Variants in UHRF2 observed in about 807,000 individuals in gnomAD.
UHRF2 encodes the protein E3 ubiquitin-protein ligase UHRF2.
UHRF2 carries 23 observed loss-of-function variants against 96.8 expected under a neutral mutation model. The observed-to-expected ratio is 0.24, with a 90% CI of 0.17 to 0.34. UHRF2 has a LOEUF of 0.34. UHRF2 is among the 10% of genes least tolerant of loss of function. The pLI is 1.00. For synonymous variants in UHRF2, 385 were observed against 332.6 expected, an observed-to-expected ratio of 1.16 and a Z score of -1.72; for missense variants, 685 against 981.5, an observed-to-expected ratio of 0.70 and a Z score of 4.04.
At chr9:6,429,824 T>TG (rs568426318) in intron 2 of UHRF2, among the ~76,000 whole-genome samples, 11 of 152,232 alleles carry the variant, frequency 7.2e-5, no homozygotes, top group Non-Finnish European at 1.6e-4. Flanking sequence ...GGGTGATAGA[T>TG]GAAGAACTTG....
chr9:6,431,992 A>G (rs576468492), intron 2 of UHRF2, among the ~76,000 whole-genome samples: 2 of 152,204 alleles, frequency 1.3e-5, no homozygotes, highest in Non-Finnish European at 1.5e-5. Flanking sequence ...CCCAAGTATG[A>G]TGGACCTTAA....
intron 3 of UHRF2, among the ~76,000 whole-genome samples, chr9:6,447,693 C>T (rs937340123): frequency 3.9e-5 from 6 of 152,076 alleles, no homozygotes; most frequent in Admixed American, 3.9e-4. Context: ...ATAATAAATC[C>T]ATAAACCCCC....
chr9:6,506,196 G>A lies in UHRF2; in HGVS notation c.*17G>A, dbSNP rs769181645. 1 of 1,613,238 alleles carries A rather than the reference G, an allele frequency of 6.2e-7. No individual in the cohort carries two copies. The highest frequency in any genetic ancestry group is 8.5e-7 in the Non-Finnish European group (1 of 1,179,548). On this transcript the variant is annotated 3_prime_UTR_variant, in exon 16 of 16. Transcript: ENST00000276893. ...GGACGATGATCTGCCTGCTTTCACT[G>A]TGTTGTTCATGGTGGCTTTTTGGAC...
intron 2 of UHRF2, among the ~76,000 whole-genome samples, chr9:6,429,038 AC>A (rs1820427151): frequency 1.3e-5 from 2 of 152,042 alleles, no homozygotes; most frequent in Non-Finnish European, 2.9e-5. Context: ...GGTGGTGGAT[AC>A]CTGTAATCCC....
intron 8 of UHRF2, 59 bp downstream of exon 8, chr9:6,482,158 G>T: frequency 7.5e-7 from 1 of 1,325,982 alleles, no homozygotes; most frequent in Non-Finnish European, 1.1e-6. Context: ...TTATAGCAAT[G>T]TTAATGTCTG....
intron 4 of UHRF2, among the ~76,000 whole-genome samples, chr9:6,473,739 G>C (rs1486680385): frequency 2.0e-5 from 3 of 152,166 alleles, no homozygotes; most frequent in African/African-American, 7.2e-5. Flanking sequence ...TAACTCCCCT[G>C]TTAACAGCAT....
At chr9:6,445,310 C>T (rs1170604495) in intron 3 of UHRF2, among the ~76,000 whole-genome samples, 1 of 152,070 alleles carries the variant, frequency 6.6e-6, no homozygotes, top group Non-Finnish European at 1.5e-5. Context: ...GTCTCCCAGG[C>T]TGGAGTGCAG....
intron 4 of UHRF2, among the ~76,000 whole-genome samples, chr9:6,464,772 G>A (rs1174766326): frequency 6.6e-6 from 1 of 151,996 alleles, no homozygotes; most frequent in African/African-American, 2.4e-5. Context: ...TGTTTTTTGT[G>A]TATCTTTGTA....
At chr9:6,469,034 G>A (rs1177691098) in intron 4 of UHRF2, among the ~76,000 whole-genome samples, 1 of 152,078 alleles carries the variant, frequency 6.6e-6, no homozygotes, top group Non-Finnish European at 1.5e-5. Context: ...AAAACAGAAG[G>A]AATACCAATT....
In UHRF2 at chr9:6,486,916, G is replaced by C; in HGVS notation, c.1488G>C (p.Ala496=). 1.2e-6 allele frequency: 2 copies of C among 1,613,912 alleles called. No individual in the cohort carries two copies. Among genetic ancestry groups the C allele is most frequent in the Non-Finnish European group, 1.7e-6 (2 of 1,179,918 alleles). Residue 496 remains alanine (A), a synonymous_variant, in exon 9 of 16, where the codon GCG becomes GCC. Transcript: ENST00000276893. ...CTCTTGTACTGGCTGGTGGATTTGC[G>C]GATGAAGTCGTAAGTCATTATACAA... is the stretch of plus-strand genomic sequence containing the variant. The part of the protein sequence containing the change: ...AYSLVLAGGF[A]DEVDRGDEFT...
intron 8 of UHRF2, 49 bp downstream of exon 8, chr9:6,482,148 T>C: frequency 1.4e-6 from 2 of 1,425,480 alleles, no homozygotes; most frequent in Non-Finnish European, 2.0e-6. Flanking sequence ...GGCTATCAGA[T>C]TATAGCAATG....
chr9:6,440,506 A>G (rs990342814), intron 3 of UHRF2, among the ~76,000 whole-genome samples: 11 of 152,318 alleles, frequency 7.2e-5, no homozygotes, highest in African/African-American at 2.6e-4. Context: ...CAACTTTTCT[A>G]TGTTGCTGTC....
intron 14 of UHRF2, among the ~76,000 whole-genome samples, chr9:6,502,362 TCTCA>T (rs771749326): frequency 2.8e-4 from 43 of 152,292 alleles, no homozygotes; most frequent in South Asian, 8.3e-4. Flanking sequence ...TTTTCATGTG[TCTCA>T]CTCTTTCATA....
At chr9:6,452,077 T>C (rs1324821850) in intron 3 of UHRF2, among the ~76,000 whole-genome samples, 2 of 152,158 alleles carry the variant, frequency 1.3e-5, no homozygotes, top group Admixed American at 6.5e-5. Context: ...ACATACCGTT[T>C]GCACCTTATT....
At chr9:6,494,100 T>C (rs1052475197) in intron 10 of UHRF2, 168 bp downstream of exon 10, 6 of 554,462 alleles carry the variant, frequency 1.1e-5, no homozygotes, top group East Asian at 5.9e-5. Flanking sequence ...TCCTAACATA[T>C]CTTTATACTG....
chr9:6,481,861 A>T, intron 7 of UHRF2, 95 bp downstream of exon 7: 1 of 1,541,800 alleles, frequency 6.5e-7, no homozygotes, highest in Non-Finnish European at 8.8e-7. Flanking sequence ...ATTAAACAGT[A>T]TCATTATTTG....
At chr9:6,448,751 G>C (rs1208850462) in intron 3 of UHRF2, among the ~76,000 whole-genome samples, 1 of 152,210 alleles carries the variant, frequency 6.6e-6, no homozygotes, top group African/African-American at 2.4e-5. Context: ...CGCCTCTTGA[G>C]TAACAGGAGT....
intron 1 of UHRF2, among the ~76,000 whole-genome samples, chr9:6,420,335 G>A (rs547889231): frequency 4.6e-5 from 7 of 151,760 alleles, no homozygotes; most frequent in East Asian, 2.0e-4. Flanking sequence ...GATTACAGGC[G>A]TGAGCCACCG....
rs1053357676 is a variant in UHRF2 at position 6,468,267 on chromosome 9, A to G, written c.864-7124A>G. Reference sequence around the variant, plus strand: ...GATAAGCCTTTAACAAAAATGGTACATAAGTGAAAAAGTGGCTTTGGCCTT... The same window carrying G: ...GATAAGCCTTTAACAAAAATGGTACGTAAGTGAAAAAGTGGCTTTGGCCTT... On this transcript the variant is annotated intron_variant, in intron 4 of 15. Transcript: ENST00000276893. 1.7e-5 allele frequency: 6 copies of G among 359,144 alleles called. 1 individual carries two copies. The Admixed American group carries it at 1.8e-4, about 11-fold the overall frequency. The allele number at this position is 359,144 out of a possible 1,614,324, so 22.2% of individuals were successfully genotyped here.
Sources: gnomAD v4.1 joint callset for allele counts (sites outside exome capture counted in the v4.1 genomes callset) on GRCh38, gnomAD v4.1.1 for gene constraint, MANE v1.5 for transcripts, NCBI Gene and HGNC (gene_info 2026-07-23, HGNC 2026-07-21) for gene names.